Variants in NXPH1 observed in about 807,000 individuals in gnomAD.
NXPH1 encodes the protein neurexophilin-1.
A neutral mutation model predicts 23.7 loss-of-function variants in NXPH1; 5 were observed. That is an observed-to-expected ratio of 0.21 (90% confidence interval 0.11 to 0.44). The LOEUF (loss-of-function observed/expected upper bound fraction) is 0.44. NXPH1 is among the 20% of genes least tolerant of loss of function. NXPH1 has a pLI of 0.99. For missense variants in NXPH1, 324 were observed against 321.6 expected (o/e 1.01, Z -0.06); for synonymous variants, 144 against 122.2 (o/e 1.18, Z -1.18).
At chr7:8,510,480 C>T (rs1817593959) in intron 2 of NXPH1, among the ~76,000 whole-genome samples, 1 of 151,920 alleles carries the variant, frequency 6.6e-6, no homozygotes, top group Non-Finnish European at 1.5e-5. Flanking sequence ...AAAAAATCTA[C>T]ATGTTCTGCA....
At chr7:8,696,513 G>C (rs907634670) in intron 2 of NXPH1, among the ~76,000 whole-genome samples, 1 of 152,216 alleles carries the variant, frequency 6.6e-6, no homozygotes, top group Non-Finnish European at 1.5e-5. Flanking sequence ...CCCATAGGTT[G>C]AGAAAGATCT....
At chr7:8,454,640 C>T (rs1816561433) in intron 2 of NXPH1, among the ~76,000 whole-genome samples, 1 of 152,068 alleles carries the variant, frequency 6.6e-6, no homozygotes, top group Admixed American at 6.6e-5. Context: ...ATGATATACT[C>T]AAAATTACAA....
intron 2 of NXPH1, among the ~76,000 whole-genome samples, chr7:8,648,894 A>G (rs138869610): frequency 6.8e-4 from 104 of 152,210 alleles, no homozygotes; most frequent in African/African-American, 2.4e-3. Flanking sequence ...AAGTATATAC[A>G]AGTTTCTAAT....
intron 2 of NXPH1, among the ~76,000 whole-genome samples, chr7:8,579,197 A>G (rs781396105): frequency 1.7e-4 from 26 of 152,164 alleles, no homozygotes; most frequent in Admixed American, 6.5e-5. Context: ...TTATTAGAGT[A>G]TCCTTGACAG....
chr7:8,543,603 T>C (rs1818151481), intron 2 of NXPH1, among the ~76,000 whole-genome samples: 1 of 151,666 alleles, frequency 6.6e-6, no homozygotes, highest in African/African-American at 2.4e-5. Flanking sequence ...GATGTGATGA[T>C]TTGCAAATCA....
rs116992427 is a variant in NXPH1, at chr7:8,554,489, G to A, written c.54+118722G>A. Among the ~76,000 whole-genome samples, 22 of 151,778 alleles carry A rather than the reference G, an allele frequency of 1.4e-4. 1 individual carries two copies. The East Asian group carries it at 4.3e-3, about 30-fold the overall frequency. On this transcript the variant is annotated intron_variant, in intron 2 of 2. Coordinates refer to ENST00000405863, the MANE Select transcript of NXPH1 (RefSeq NM_152745.3). Reference sequence around the variant, plus strand: ...TATGTGAGTGGGTAAATGAGCTGCAGTCCTCTGTACCCTGAATTGTGGTCC... The same window carrying A: ...TATGTGAGTGGGTAAATGAGCTGCAATCCTCTGTACCCTGAATTGTGGTCC...
At chr7:8,613,842 TA>T (rs1378150285) in intron 2 of NXPH1, among the ~76,000 whole-genome samples, 1 of 151,846 alleles carries the variant, frequency 6.6e-6, no homozygotes, top group African/African-American at 2.4e-5. Context: ...CTTTTTTCAT[TA>T]AAAATCTATG....
intron 2 of NXPH1, among the ~76,000 whole-genome samples, chr7:8,704,312 T>C (rs1333744088): frequency 2.0e-5 from 3 of 151,928 alleles, no homozygotes; most frequent in Admixed American, 2.0e-4. Flanking sequence ...CATATGGAGG[T>C]AGGTAGGTAT....
intron 2 of NXPH1, among the ~76,000 whole-genome samples, chr7:8,531,830 A>T (rs1033597741): frequency 1.3e-5 from 2 of 152,200 alleles, no homozygotes; most frequent in African/African-American, 2.4e-5. Flanking sequence ...TGCAGCCTAC[A>T]ATATGTTCCA....
At chr7:8,612,255 A>ACCTT (rs202149749) in intron 2 of NXPH1, among the ~76,000 whole-genome samples, 16 of 130,484 alleles carry the variant, frequency 1.2e-4, no homozygotes, top group African/African-American at 4.6e-4. Flanking sequence ...CTTTCTTCCT[A>ACCTT]CCTTCCTTCC....
At chr7:8,462,735 A>AT (rs1159839529) in intron 2 of NXPH1, among the ~76,000 whole-genome samples, 1 of 152,206 alleles carries the variant, frequency 6.6e-6, no homozygotes. Context: ...TACAATTTTT[A>AT]TTTGCCAATG....
chr7:8,558,265 T>C (rs1031860708), intron 2 of NXPH1, among the ~76,000 whole-genome samples: 16 of 151,692 alleles, frequency 1.1e-4, no homozygotes, highest in African/African-American at 3.9e-4. Context: ...TTTTATTTTA[T>C]TTTTTGGCAA....
At chr7:8,484,682 A>G (rs1180634828) in intron 2 of NXPH1, among the ~76,000 whole-genome samples, 1 of 152,218 alleles carries the variant, frequency 6.6e-6, no homozygotes, top group Non-Finnish European at 1.5e-5. Flanking sequence ...AACTCAAGGT[A>G]TCACTTTTGA....
At chr7:8,716,311 A>G (rs1262419581) in intron 2 of NXPH1, among the ~76,000 whole-genome samples, 1 of 152,198 alleles carries the variant, frequency 6.6e-6, no homozygotes, top group African/African-American at 2.4e-5. Flanking sequence ...TTAATCTGCA[A>G]TTCTTTGTAT....
chr7:8,696,763 C>T (rs1380037591), intron 2 of NXPH1, among the ~76,000 whole-genome samples: 1 of 149,490 alleles, frequency 6.7e-6, no homozygotes, highest in African/African-American at 2.5e-5. Flanking sequence ...ATGGCGTGAA[C>T]CCGTGAGACG....
chr7:8,739,777 T>G (rs1432319535), intron 2 of NXPH1, among the ~76,000 whole-genome samples: 2 of 152,230 alleles, frequency 1.3e-5, no homozygotes. Flanking sequence ...TCCATCCTTA[T>G]TCTATAAACT....
At chr7:8,650,370 C>T (rs1394229812) in intron 2 of NXPH1, among the ~76,000 whole-genome samples, 1 of 152,090 alleles carries the variant, frequency 6.6e-6, no homozygotes, top group African/African-American at 2.4e-5. Context: ...TTAAACTAGC[C>T]TTTACCTTAT....
At chr7:8,499,212 C>T (rs1025065276) in intron 2 of NXPH1, among the ~76,000 whole-genome samples, 15 of 152,036 alleles carry the variant, frequency 9.9e-5, no homozygotes, top group African/African-American at 3.1e-4. Flanking sequence ...TTTAAAGTCT[C>T]TTCTATCACC....
chr7:8,619,870 A>C (rs954724772), intron 2 of NXPH1, among the ~76,000 whole-genome samples: 1 of 152,228 alleles, frequency 6.6e-6, no homozygotes, highest in East Asian at 1.9e-4. Flanking sequence ...GGAAGAAAAG[A>C]TGTAGAGAAA....
Sources: gnomAD v4.1 joint callset for allele counts (sites outside exome capture counted in the v4.1 genomes callset) on GRCh38, gnomAD v4.1.1 for gene constraint, MANE v1.5 for transcripts, NCBI Gene and HGNC (gene_info 2026-07-23, HGNC 2026-07-21) for gene names.